The following ZNF79 variants were observed in gnomAD, a reference collection of about 807,000 sequenced individuals.
ZNF79 encodes zinc finger protein 79.
ZNF79 carries 13 observed loss-of-function variants against 14.9 expected under a neutral mutation model. That is an observed-to-expected ratio of 0.87 (90% CI 0.57 to 1.38). The LOEUF is 1.38. ZNF79 is among the 40% of genes most tolerant of loss of function. The probability of loss-of-function intolerance (pLI) is 0.00; values close to 1 mark genes in which losing one functional copy is unlikely to be tolerated. For synonymous variants in ZNF79, 223 were observed against 235.1 expected, an observed-to-expected ratio of 0.95 and a Z score of 0.47; for missense variants, 631 against 630.6, an observed-to-expected ratio of 1.00 and a Z score of -0.01.
chr9:127,430,382 G>A (rs1457920954), intron 2 of ZNF79, among the ~76,000 whole-genome samples: 1 of 152,118 alleles, frequency 6.6e-6, no homozygotes, highest in East Asian at 1.9e-4. Flanking sequence ...AGGGAGCATA[G>A]TACCCCATAG....
rs1231119302 is a variant in ZNF79, at chr9:127,443,726, C to T, written c.329-303C>T. ...ACTATCCTGGCTAACACGGTGAAACCCCGTCTCTACTAAAAATACAAAAAA... is the reference window on the plus strand; with the variant it reads ...ACTATCCTGGCTAACACGGTGAAACTCCGTCTCTACTAAAAATACAAAAAA... On this transcript the variant is annotated intron_variant, in intron 4 of 4. Transcript: ENST00000342483. Among the ~76,000 whole-genome samples the T allele has an allele frequency of 5.8e-4, 88 of 151,986 alleles. 2 individuals are homozygous for T. Among genetic ancestry groups the T allele is most frequent in the Non-Finnish European group, 5.9e-5 (4 of 67,974 alleles).
At chr9:127,431,904 T>G (rs2131947780) in intron 2 of ZNF79, among the ~76,000 whole-genome samples, 1 of 152,280 alleles carries the variant, frequency 6.6e-6, no homozygotes, top group Non-Finnish European at 1.5e-5. Context: ...TGTGCAACTT[T>G]ATTTCCGGGT....
rs540514311 is a variant in ZNF79, at chr9:127,424,737, C to T, written c.-51C>T. ...CGGGGTGGGGGCTGCTGTAGATAGACCCTTACGCCCAGAGAACTGCTGGGA... is the reference window on the plus strand; with the variant it reads ...CGGGGTGGGGGCTGCTGTAGATAGATCCTTACGCCCAGAGAACTGCTGGGA... On this transcript the variant is annotated 5_prime_UTR_variant, in exon 1 of 5. Coordinates refer to ENST00000342483, the MANE Select transcript of ZNF79 (RefSeq NM_007135.3). 1.3e-5 allele frequency: 21 copies of T among 1,612,932 alleles called. No individual in the cohort carries two copies. The South Asian group carries it at 1.9e-4, about 14-fold the overall frequency.
In ZNF79 at chr9:127,435,978, C is replaced by T. The variant is rs148235940; in HGVS notation, c.303C>T (p.Gly101=). The part of the protein sequence containing the change: ...EQREGAWMLE[G]EDLRSPSPGW... ...GGGAAGGCGCATGGATGCTGGAGGG[C>T]GAAGACCTGCGAAGTCCCTCTCCAG... The change falls in exon 4 of 5, where the codon GGC becomes GGT. Residue 101 remains glycine (G), a synonymous_variant. Transcript: ENST00000342483. The T allele has an allele frequency of 6.3e-5, 102 of 1,614,230 alleles. No individual in the cohort carries two copies. In the East Asian group the frequency reaches 1.8e-3, roughly 29 times the overall value.
intron 3 of ZNF79, 112 bp downstream of exon 3, chr9:127,435,328 G>GTTTATTC: frequency 8.0e-7 from 1 of 1,250,652 alleles, no homozygotes; most frequent in Non-Finnish European, 1.1e-6. Context: ...GAGGGATGGT[G>GTTTATTC]TTTATTCCTC....
In ZNF79 at chr9:127,445,164, C is replaced by T. The variant is rs757953585; in HGVS notation, c.1464C>T (p.Phe488=). 2.2e-5 allele frequency: 35 copies of T among 1,614,068 alleles called. No individual in the cohort carries two copies. Among genetic ancestry groups the T allele is most frequent in the Admixed American group, 1.5e-4 (9 of 60,008 alleles). The part of the protein sequence containing the change: ...CGKAFRCSSA[F]VRHQRLHAGE ...AGGCCTTCCGGTGCAGCTCTGCCTTCGTTAGACATCAGAGACTCCACGCCG... is the reference window on the plus strand; with the variant it reads ...AGGCCTTCCGGTGCAGCTCTGCCTTTGTTAGACATCAGAGACTCCACGCCG... The change falls in exon 5 of 5, where the codon TTC becomes TTT. Residue 488 remains phenylalanine (F), a synonymous_variant. Coordinates refer to ENST00000342483, the MANE Select transcript of ZNF79 (RefSeq NM_007135.3).
At chr9:127,426,785 G>T (rs943497480) in intron 1 of ZNF79, among the ~76,000 whole-genome samples, 2 of 152,124 alleles carry the variant, frequency 1.3e-5, no homozygotes, top group Non-Finnish European at 2.9e-5. Context: ...TTTTGTGTGT[G>T]TGTATGTTTG....
chr9:127,431,853 C>T (rs1833866854), intron 2 of ZNF79, among the ~76,000 whole-genome samples: 1 of 152,084 alleles, frequency 6.6e-6, no homozygotes, highest in Admixed American at 6.6e-5. Flanking sequence ...TTTCCCATTG[C>T]TTGTTTCTGT....
At chr9:127,436,083 C>G (rs1833943723) in intron 4 of ZNF79, 80 bp downstream of exon 4, 3 of 1,209,162 alleles carry the variant, frequency 2.5e-6, no homozygotes, top group Non-Finnish European at 2.4e-6. Flanking sequence ...ATTTGATTAT[C>G]ATAACAACTG....
Position 127,444,114 on chromosome 9 carries a change from G to C in ZNF79, c.414G>C (p.Gly138=), listed in dbSNP as rs1266030594. The change falls in exon 5 of 5, where the codon GGG becomes GGC. Residue 138 remains glycine, a synonymous_variant. Coordinates refer to ENST00000342483, the MANE Select transcript of ZNF79 (RefSeq NM_007135.3). The stretch of plus-strand genomic sequence containing the variant: ...ACCCATGTGTAGAGATGCCCCCTGG[G>C]GATTCAGACCACGGGACCAGTGACC... The part of the protein sequence containing the change: ...FQDPCVEMPP[G]DSDHGTSDLE... 6.2e-7 allele frequency: 1 copy of C among 1,613,000 alleles called. No individual in the cohort carries two copies. The highest frequency in any genetic ancestry group is 1.1e-5 in the South Asian group (1 of 91,054).
At chr9:127,432,285 A>C (rs902931392) in intron 2 of ZNF79, among the ~76,000 whole-genome samples, 6 of 151,374 alleles carry the variant, frequency 4.0e-5, no homozygotes, top group Non-Finnish European at 7.4e-5. Context: ...GTAGCTGGGA[A>C]TACAGGCGTC....
At chr9:127,427,922 AG>A (rs1833789908) in intron 1 of ZNF79, among the ~76,000 whole-genome samples, 1 of 152,220 alleles carries the variant, frequency 6.6e-6, no homozygotes, top group Non-Finnish European at 1.5e-5. Flanking sequence ...GTCATATCTA[AG>A]AAATCATTGC....
chr9:127,427,767 G>A (rs1588067323), intron 1 of ZNF79, among the ~76,000 whole-genome samples: 1 of 151,992 alleles, frequency 6.6e-6, no homozygotes, highest in Admixed American at 6.5e-5. Flanking sequence ...CGAACTCTTG[G>A]GCTCCCTAAG....
chr9:127,428,330 T>C (rs1833798429), intron 1 of ZNF79, among the ~76,000 whole-genome samples: 1 of 152,180 alleles, frequency 6.6e-6, no homozygotes. Context: ...GGTTAATTTT[T>C]ATATATGGTG....
chr9:127,429,407 A>G (rs1260075734), intron 2 of ZNF79, among the ~76,000 whole-genome samples: 2 of 150,624 alleles, frequency 1.3e-5, no homozygotes, highest in African/African-American at 4.9e-5. Context: ...TGCAGCCTCA[A>G]CCTCCTGAGC....
chr9:127,438,032 T>A (rs755918041), intron 4 of ZNF79, among the ~76,000 whole-genome samples: 1 of 151,770 alleles, frequency 6.6e-6, no homozygotes, highest in African/African-American at 2.4e-5. Flanking sequence ...TGTAGGGCAG[T>A]AGAAGCAGCT....
intron 4 of ZNF79, among the ~76,000 whole-genome samples, chr9:127,443,784 C>T (rs1205632056): frequency 3.3e-5 from 5 of 151,692 alleles, no homozygotes; most frequent in Admixed American, 2.6e-4. Flanking sequence ...GACTGTAGTC[C>T]CAGCTACTCG....
rs1834123699 is a variant in ZNF79 at position 127,444,629 on chromosome 9, G to A, written c.929G>A (p.Cys310Tyr). 6.2e-7 allele frequency: 1 copy of A among 1,614,134 alleles called. No homozygotes were observed. Among genetic ancestry groups the A allele is most frequent in the Non-Finnish European group, 8.5e-7 (1 of 1,179,996 alleles). ...TGEKPYECSDCGKAFRHSANL... is the reference protein window; with the variant it reads ...TGEKPYECSDYGKAFRHSANL... The stretch of plus-strand genomic sequence containing the variant: ...GAGAAGCCCTACGAATGCAGCGACT[G>A]TGGGAAGGCCTTCCGTCACAGTGCA... The change falls in exon 5 of 5, where the codon TGT becomes TAT. Residue 310 changes from cysteine to tyrosine, a missense_variant. Transcript: ENST00000342483.
chr9:127,440,100 G>A (rs1834024548), intron 4 of ZNF79, among the ~76,000 whole-genome samples: 1 of 152,128 alleles, frequency 6.6e-6, no homozygotes, highest in Non-Finnish European at 1.5e-5. Flanking sequence ...CTGACCTCGT[G>A]ATCTGCCTGC....
Sources: allele counts gnomAD v4.1 joint callset (sites outside exome capture counted in the v4.1 genomes callset), GRCh38; gene constraint gnomAD v4.1.1; transcripts MANE v1.5; gene names NCBI Gene and HGNC (gene_info 2026-07-23, HGNC 2026-07-21).